ALOX5: variants seen among roughly 807,000 people sequenced by gnomAD.
ALOX5 encodes polyunsaturated fatty acid 5-lipoxygenase.
In ALOX5, 64 loss-of-function variants were observed where a neutral mutation model predicts 87.9. The observed-to-expected ratio is 0.73, with a 90% CI of 0.60 to 0.90. The LOEUF (loss-of-function observed/expected upper bound fraction) is 0.90, where lower values mean the gene tolerates loss of function less well. Ranked by LOEUF, ALOX5 falls within the 40% of genes least tolerant of loss-of-function variation. ALOX5 has a pLI of 0.00. For missense variants in ALOX5, 822 were observed against 907.5 expected, an observed-to-expected ratio of 0.91 and a Z score of 1.21; for synonymous variants, 388 against 355.1, an observed-to-expected ratio of 1.09 and a Z score of -1.04.
Position 45,444,138 on chromosome 10 carries a change from C to A in ALOX5, c.1697C>A (p.Pro566His). ...CAGTACGACTGGTGCTCCTGGATCC[C>A]CAATGCGCCCCCAACCATGCGAGCC... ...FGQYDWCSWI[P>H]NAPPTMRAPP... The change falls in exon 13 of 14, where the codon CCC becomes CAC. Residue 566 changes from proline (P) to histidine (H), a missense_variant. Pro to His is a moderately conservative substitution (Grantham distance 77, BLOSUM62 -2). Coordinates refer to ENST00000374391, the MANE Select transcript of ALOX5 (RefSeq NM_000698.5). 1 of 1,548,750 alleles carries A rather than the reference C, an allele frequency of 6.5e-7. No homozygotes were observed. The highest frequency in any genetic ancestry group is 8.7e-7 in the Non-Finnish European group (1 of 1,145,338).
intron 1 of ALOX5, among the ~76,000 whole-genome samples, chr10:45,379,815 C>A (rs894521452): frequency 6.6e-6 from 1 of 152,142 alleles, no homozygotes; most frequent in Non-Finnish European, 1.5e-5. Context: ...AGCAATGTGC[C>A]CAGGCCATCC....
chr10:45,374,246 G>C lies in ALOX5; in HGVS notation c.-34G>C. The C allele has an allele frequency of 1.4e-6, 2 of 1,450,286 alleles. No homozygotes were observed. Among genetic ancestry groups the C allele is most frequent in the Non-Finnish European group, 1.8e-6 (2 of 1,100,964 alleles). The allele number at this position is 1,450,286 out of a possible 1,614,324, so 89.8% of individuals were successfully genotyped here. ...CGGACACCTGGACCGCCGCGCCGAG[G>C]CTCCCGGCGCTCGCTGCTCCCGCGG... On this transcript the variant is annotated 5_prime_UTR_variant, in exon 1 of 14. Coordinates refer to ENST00000374391, the MANE Select transcript of ALOX5 (RefSeq NM_000698.5).
At position 45,416,947 on chromosome 10, in the gene ALOX5, G is replaced by T. The variant is rs1198054521; in HGVS notation, c.554+4634G>T. ...AGAGAGATGGATGGATAGATGGATGGATGGATGGATGGAGGAATTAATGGT... is the reference window on the plus strand; with the variant it reads ...AGAGAGATGGATGGATAGATGGATGTATGGATGGATGGAGGAATTAATGGT... On this transcript the variant is annotated intron_variant, in intron 4 of 13. Coordinates refer to ENST00000374391, the MANE Select transcript of ALOX5 (RefSeq NM_000698.5). Among the ~76,000 whole-genome samples, 10 of 152,032 alleles carry T rather than the reference G, an allele frequency of 6.6e-5. No individual in the cohort carries two copies. The East Asian group carries it at 1.9e-3, about 29-fold the overall frequency.
chr10:45,445,248 A>G (rs774928295), intron 13 of ALOX5, among the ~76,000 whole-genome samples: 1 of 152,216 alleles, frequency 6.6e-6, no homozygotes, highest in Non-Finnish European at 1.5e-5. Flanking sequence ...TCTCGTAACC[A>G]CTTGGCAGCA....
At chr10:45,440,895 G>A (rs1842215049) in intron 8 of ALOX5, among the ~76,000 whole-genome samples, 1 of 152,204 alleles carries the variant, frequency 6.6e-6, no homozygotes, top group Admixed American at 6.5e-5. Context: ...AGGCAAATGA[G>A]TTCATGGTGA....
chr10:45,385,530 G>A (rs11239504), intron 2 of ALOX5, among the ~76,000 whole-genome samples: 3,419 of 152,280 alleles, frequency 0.022, 125 homozygotes, highest in African/African-American at 0.078. Context: ...AACTTGGCAT[G>A]TTGCAATTCC....
rs367776697 is a variant in ALOX5, at chr10:45,387,287, G to C, written c.349+4606G>C. 9.2e-5 allele frequency among the ~76,000 whole-genome samples: 14 copies of C among 152,174 alleles called. No homozygotes were observed. In the South Asian group the frequency reaches 2.9e-3, roughly 32 times the overall value. On this transcript the variant is annotated intron_variant, in intron 2 of 13. Coordinates refer to ENST00000374391, the MANE Select transcript of ALOX5 (RefSeq NM_000698.5). ...CATTCTCAATCCTCTGTGTAGGCAC[G>C]ACAGGAAACCGGGTTGTGTCATCGT...
rs777773588 is a variant in ALOX5 at position 45,395,927 on chromosome 10, A to G, written c.422A>G (p.Lys141Arg). The change falls in exon 3 of 14, where the codon AAA becomes AGA. Residue 141 changes from lysine (K) to arginine (R), a missense_variant. Physicochemically the swap from Lys to Arg is conservative, Grantham distance 26. Coordinates refer to ENST00000374391, the MANE Select transcript of ALOX5 (RefSeq NM_000698.5). Reference protein sequence around the residue: ...HRRKELETRQKQYRWMEWNPG... With the variant: ...HRRKELETRQRQYRWMEWNPG... ...CGTAAAGAACTGGAAACACGGCAAA[A>G]ACAATATCGGTGAGTTATGACATCA... 7.4e-6 allele frequency: 12 copies of G among 1,614,106 alleles called. No individual in the cohort carries two copies. The highest frequency in any genetic ancestry group is 9.3e-6 in the Non-Finnish European group (11 of 1,180,034).
intron 4 of ALOX5, among the ~76,000 whole-genome samples, chr10:45,422,022 C>G (rs1336244013): frequency 1.3e-5 from 2 of 152,152 alleles, no homozygotes; most frequent in Non-Finnish European, 1.5e-5. Flanking sequence ...CTAGGAGACC[C>G]AGGGTAGCCA....
At chr10:45,379,882 G>A (rs2310776) in intron 1 of ALOX5, among the ~76,000 whole-genome samples, 8 of 152,030 alleles carry the variant, frequency 5.3e-5, no homozygotes, top group Non-Finnish European at 1.2e-4. Context: ...AGGGCCCACC[G>A]AGCCTTCTAC....
intron 13 of ALOX5, chr10:45,444,710 G>A (rs888365010): frequency 5.6e-6 from 1 of 179,058 alleles, no homozygotes; most frequent in African/African-American, 2.4e-5. Flanking sequence ...GGGTAGCTCA[G>A]TACTGCATAG....
At chr10:45,418,875 G>A (rs557465703) in intron 4 of ALOX5, among the ~76,000 whole-genome samples, 1 of 152,374 alleles carries the variant, frequency 6.6e-6, no homozygotes, top group East Asian at 1.9e-4. Context: ...CTCATTAAAG[G>A]AAATTGAGAA....
At chr10:45,386,462 T>C (rs746771501) in intron 2 of ALOX5, among the ~76,000 whole-genome samples, 5 of 151,192 alleles carry the variant, frequency 3.3e-5, no homozygotes, top group Non-Finnish European at 5.9e-5. Flanking sequence ...GGAGACCCTG[T>C]CTCTTAAAAA....
chr10:45,399,871 A>C (rs1037609372), intron 3 of ALOX5, among the ~76,000 whole-genome samples: 9 of 152,350 alleles, frequency 5.9e-5, no homozygotes, highest in Admixed American at 1.3e-4. Flanking sequence ...AAATTTGTGA[A>C]TCTCCAATAA....
intron 1 of ALOX5, among the ~76,000 whole-genome samples, chr10:45,375,239 G>A (rs1011999461): frequency 6.6e-6 from 1 of 152,180 alleles, no homozygotes; most frequent in Non-Finnish European, 1.5e-5. Context: ...GTGTGAGGAC[G>A]CGAGGGAGCC....
At chr10:45,396,798 A>G (rs1055813036) in intron 3 of ALOX5, among the ~76,000 whole-genome samples, 1 of 152,262 alleles carries the variant, frequency 6.6e-6, no homozygotes, top group African/African-American at 2.4e-5. Context: ...CAATATAGAT[A>G]TAAACATTTT....
chr10:45,414,275 A>G (rs1461200785), intron 4 of ALOX5, among the ~76,000 whole-genome samples: 1 of 152,246 alleles, frequency 6.6e-6, no homozygotes, highest in Admixed American at 6.5e-5. Flanking sequence ...GCCCTCAGAA[A>G]TAACACCACA....
chr10:45,391,510 G>A (rs1190883523), intron 2 of ALOX5, among the ~76,000 whole-genome samples: 3 of 152,064 alleles, frequency 2.0e-5, no homozygotes, highest in East Asian at 1.9e-4. Flanking sequence ...CTGCCCGGCC[G>A]CCACCCCGTC....
At chr10:45,400,620 A>T (rs1382758884) in intron 3 of ALOX5, among the ~76,000 whole-genome samples, 2 of 152,072 alleles carry the variant, frequency 1.3e-5, no homozygotes, top group South Asian at 2.1e-4. Flanking sequence ...AGAAAAGAAA[A>T]GAAATGAACT....
Sources: gnomAD v4.1 joint callset for allele counts (sites outside exome capture counted in the v4.1 genomes callset) on GRCh38, gnomAD v4.1.1 for gene constraint, MANE v1.5 for transcripts, NCBI Gene and HGNC (gene_info 2026-07-23, HGNC 2026-07-21) for gene names.